LPGAT1: variants seen among roughly 807,000 people sequenced by gnomAD.
LPGAT1 encodes the protein acyl-CoA:lysophosphatidylglycerol acyltransferase 1.
LPGAT1 carries 11 observed loss-of-function variants against 47.5 expected under a neutral mutation model. The observed-to-expected ratio is 0.23, with a 90% CI of 0.15 to 0.38. The LOEUF (loss-of-function observed/expected upper bound fraction) is 0.38, where lower values mean the gene tolerates loss of function less well. LPGAT1 is among the 10% of genes least tolerant of loss of function. The pLI, the probability that LPGAT1 is intolerant of heterozygous loss-of-function variation, is 1.00. For missense variants in LPGAT1, 293 were observed against 439.0 expected (o/e 0.67, Z 2.97); for synonymous variants, 138 against 144.2 (o/e 0.96, Z 0.31).
At chr1:211,817,551 A>G (rs1571764821) in intron 2 of LPGAT1, among the ~76,000 whole-genome samples, 1 of 151,738 alleles carries the variant, frequency 6.6e-6, no homozygotes, top group East Asian at 1.9e-4. Flanking sequence ...AGCCTAGGGG[A>G]CAGAGTGAGG....
intron 5 of LPGAT1, among the ~76,000 whole-genome samples, chr1:211,779,424 T>C (rs1658544178): frequency 6.6e-6 from 1 of 151,416 alleles, no homozygotes; most frequent in Non-Finnish European, 1.5e-5. Flanking sequence ...CAAAACAAAA[T>C]CATTCACTAA....
intron 6 of LPGAT1, among the ~76,000 whole-genome samples, chr1:211,777,645 A>T (rs1020172538): frequency 6.6e-6 from 1 of 152,382 alleles, no homozygotes; most frequent in East Asian, 1.9e-4. Context: ...TTAAAAATTT[A>T]AAAGTGTAAG....
chr1:211,749,835 T>A lies in LPGAT1; in HGVS notation c.*64A>T. The stretch of plus-strand genomic sequence containing the variant: ...TATATTCTGATTTGCACATGTAAAA[T>A]AATGCACACTTATGAAAGAAAGTCT... On this transcript the variant is annotated 3_prime_UTR_variant, in exon 8 of 8. Coordinates refer to ENST00000366997, the MANE Select transcript of LPGAT1 (RefSeq NM_014873.3). 2 of 1,509,502 alleles carry A rather than the reference T, an allele frequency of 1.3e-6. No individual in the cohort carries two copies. Among genetic ancestry groups the A allele is most frequent in the Non-Finnish European group, 1.8e-6 (2 of 1,101,338 alleles). The allele number at this position is 1,509,502 out of a possible 1,614,324, so 93.5% of individuals were successfully genotyped here.
chr1:211,812,343 T>C (rs1660018422), intron 2 of LPGAT1, among the ~76,000 whole-genome samples: 1 of 152,202 alleles, frequency 6.6e-6, no homozygotes, highest in African/African-American at 2.4e-5. Flanking sequence ...AACATCATTT[T>C]GAAAATGGTA....
chr1:211,760,460 A>G (rs770489380), intron 6 of LPGAT1, among the ~76,000 whole-genome samples: 3 of 151,922 alleles, frequency 2.0e-5, no homozygotes, highest in Non-Finnish European at 2.9e-5. Context: ...CGTCCCCCCA[A>G]CCCCCCTCAA....
intron 2 of LPGAT1, among the ~76,000 whole-genome samples, chr1:211,796,268 C>G (rs1309118204): frequency 1.3e-5 from 2 of 152,060 alleles, no homozygotes; most frequent in African/African-American, 4.8e-5. Context: ...TCATGTCCCC[C>G]CAAAATCTGT....
intron 5 of LPGAT1, among the ~76,000 whole-genome samples, chr1:211,781,209 T>G (rs974472493): frequency 3.9e-5 from 6 of 152,222 alleles, no homozygotes; most frequent in African/African-American, 1.4e-4. Context: ...AGCTTTCAGG[T>G]AGGATTAAAA....
intron 2 of LPGAT1, among the ~76,000 whole-genome samples, chr1:211,815,323 T>G (rs749072734): frequency 8.5e-5 from 13 of 152,082 alleles, no homozygotes; most frequent in African/African-American, 1.2e-4. Context: ...ACCAGAAACC[T>G]CAGGGGCATC....
intron 5 of LPGAT1, among the ~76,000 whole-genome samples, chr1:211,781,739 A>C (rs1658652580): frequency 6.6e-6 from 1 of 152,210 alleles, no homozygotes; most frequent in South Asian, 2.1e-4. Context: ...ACTGCAAAGG[A>C]AACAGGCCTA....
At chr1:211,783,771 C>T (rs1418472790) in intron 4 of LPGAT1, among the ~76,000 whole-genome samples, 1 of 152,162 alleles carries the variant, frequency 6.6e-6, no homozygotes, top group Non-Finnish European at 1.5e-5. Context: ...AATTCAGTCA[C>T]TACTTACTGA....
At chr1:211,753,947 C>A (rs1375495333) in intron 6 of LPGAT1, among the ~76,000 whole-genome samples, 1 of 152,186 alleles carries the variant, frequency 6.6e-6, no homozygotes, top group Non-Finnish European at 1.5e-5. Flanking sequence ...TTAAACTCAT[C>A]CCCTTCCCCA....
Position 211,830,377 on chromosome 1 carries a change from C to G in LPGAT1, c.-28+196G>C, listed in dbSNP as rs1304006797. 5 of 1,166,750 alleles carry G rather than the reference C, an allele frequency of 4.3e-6. No homozygotes were observed. Among genetic ancestry groups the G allele is most frequent in the African/African-American group, 3.2e-5 (2 of 61,866 alleles). 72.3% of individuals were successfully genotyped at this position (1,166,750 alleles called of 1,614,324 possible). A position where few individuals can be genotyped will look rare whatever the true frequency, so the allele number is the denominator to read the frequency against. ...GGACTCAGAGGCCGGACCTGTCACC[C>G]GGGCGGGTCCCGGGGAGGCGGGCGG... On this transcript the variant is annotated intron_variant, in intron 1 of 7. Transcript: ENST00000366997. The surrounding 1 kb of genome is among the most constrained non-coding windows in gnomAD (Gnocchi z 5.9).
At chr1:211,761,751 T>C (rs1437116543) in intron 6 of LPGAT1, among the ~76,000 whole-genome samples, 2 of 152,232 alleles carry the variant, frequency 1.3e-5, no homozygotes, top group African/African-American at 4.8e-5. Flanking sequence ...TCCAACCATA[T>C]TTCCCAGAAC....
chr1:211,760,474 A>G (rs941785999), intron 6 of LPGAT1, among the ~76,000 whole-genome samples: 9 of 152,180 alleles, frequency 5.9e-5, no homozygotes, highest in Non-Finnish European at 1.2e-4. Context: ...CCCTCAAAAA[A>G]GAATACAGAT....
Position 211,743,659 on chromosome 1 carries a change from C to T in LPGAT1, c.*6240G>A, listed in dbSNP as rs1287609668. 2 of 152,320 alleles carry T rather than the reference C, an allele frequency of 1.3e-5. No individual in the cohort carries two copies. Among genetic ancestry groups the T allele is most frequent in the Admixed American group, 6.5e-5 (1 of 15,290 alleles). The allele number at this position is 152,320 out of a possible 1,614,324, so 9.4% of individuals were successfully genotyped here. On this transcript the variant is annotated 3_prime_UTR_variant, in exon 8 of 8. Transcript: ENST00000366997. ...AAAACAATGGCTTTCCCCCCGCCAA[C>T]TCATGAGGAATAGGGCTGGTCAGCA...
At chr1:211,796,032 A>G (rs144409016) in intron 2 of LPGAT1, among the ~76,000 whole-genome samples, 1 of 152,170 alleles carries the variant, frequency 6.6e-6, no homozygotes, top group East Asian at 1.9e-4. Flanking sequence ...CCTTTAACGC[A>G]ATCTGTGCTA....
In LPGAT1 at chr1:211,814,775, ATTC is replaced by A. The variant is rs550817441; in HGVS notation, c.238+14281_238+14283del. Among the ~76,000 whole-genome samples, 402 of 152,240 alleles carry A rather than the reference ATTC, an allele frequency of 2.6e-3. 1 individual carries two copies. The highest frequency in any genetic ancestry group is 5.0e-3 in the Non-Finnish European group (341 of 68,002). ...CAGCCAAACTTCTGGAAAATCATAC[ATTC>A]TTGTTTCCATTTTGTCCTCTCCCAT... On this transcript the variant is annotated intron_variant, in intron 2 of 7. Coordinates refer to ENST00000366997, the MANE Select transcript of LPGAT1 (RefSeq NM_014873.3).
intron 6 of LPGAT1, among the ~76,000 whole-genome samples, chr1:211,763,522 T>C (rs1657789385): frequency 6.6e-6 from 1 of 152,184 alleles, no homozygotes; most frequent in South Asian, 2.1e-4. Flanking sequence ...ATAAATTACA[T>C]AGTCTCAGAT....
At chr1:211,796,142 T>C (rs1175485155) in intron 2 of LPGAT1, among the ~76,000 whole-genome samples, 1 of 152,170 alleles carries the variant, frequency 6.6e-6, no homozygotes, top group African/African-American at 2.4e-5. Flanking sequence ...AAATATATCT[T>C]ACCTGTTTGC....
Sources: gnomAD v4.1 joint callset for allele counts (sites outside exome capture counted in the v4.1 genomes callset) on GRCh38, gnomAD v4.1.1 for gene constraint, Gnocchi (gnomAD v3.1) non-coding constraint, MANE v1.5 for transcripts, NCBI Gene and HGNC (gene_info 2026-07-23, HGNC 2026-07-21) for gene names.